Variants in HSPA12B observed in about 807,000 individuals in gnomAD.
HSPA12B encodes heat shock 70 kDa protein 12B.
HSPA12B carries 54 observed loss-of-function variants against 69.3 expected under a neutral mutation model. That is an observed-to-expected ratio of 0.78 (90% CI 0.63 to 0.98). The LOEUF is 0.98. Ranked by LOEUF, HSPA12B falls within the 50% of genes least tolerant of loss-of-function variation. The probability of loss-of-function intolerance (pLI) is 0.00; values close to 1 mark genes in which losing one functional copy is unlikely to be tolerated. For missense variants in HSPA12B, 929 were observed against 999.8 expected (o/e 0.93, Z 0.96); for synonymous variants, 441 against 436.5 (o/e 1.01, Z -0.13).
Position 3,745,621 on chromosome 20 carries a change from C to T in HSPA12B, c.558+24C>T, listed in dbSNP as rs1331685515. ...AGGTGCGCTGCGGCCCCACCTCTGCCGACTGTGGCAGGGACCCCCTATTTT... is the reference window on the plus strand; with the variant it reads ...AGGTGCGCTGCGGCCCCACCTCTGCTGACTGTGGCAGGGACCCCCTATTTT... On this transcript the variant is annotated intron_variant, in intron 6 of 12. Transcript: ENST00000254963. The surrounding 1 kb of genome is among the most constrained non-coding windows in gnomAD (Gnocchi z 5.6). 1 of 1,599,192 alleles carries T rather than the reference C, an allele frequency of 6.3e-7. No individual in the cohort carries two copies.
Position 3,752,829 on chromosome 20 carries a change from C to G in HSPA12B, c.*663C>G, listed in dbSNP as rs2088452386. On this transcript the variant is annotated 3_prime_UTR_variant, in exon 13 of 13. Transcript: ENST00000254963. ...AGCATTTCTTTCGAGACAAAACACC[C>G]GTCTGGGAAGGCCCCAAGGTCAGCT... 6.5e-6 allele frequency: 1 copy of G among 153,716 alleles called. No individual in the cohort carries two copies. Among genetic ancestry groups the G allele is most frequent in the Admixed American group, 6.5e-5 (1 of 15,270 alleles). 9.5% of individuals were successfully genotyped at this position (153,716 alleles called of 1,614,324 possible).
chr20:3,745,749 T>C lies in HSPA12B; in HGVS notation c.558+152T>C. 1.1e-6 allele frequency: 1 copy of C among 931,478 alleles called. No individual in the cohort carries two copies. Among genetic ancestry groups the C allele is most frequent in the Non-Finnish European group, 1.7e-6 (1 of 583,226 alleles). 57.7% of individuals were successfully genotyped at this position (931,478 alleles called of 1,614,324 possible). A position where few individuals can be genotyped will look rare whatever the true frequency, so the allele number is the denominator to read the frequency against. On this transcript the variant is annotated intron_variant, in intron 6 of 12. Transcript: ENST00000254963. The surrounding 1 kb of genome is among the most constrained non-coding windows in gnomAD (Gnocchi z 5.6). ...TCTCCAGTACCCTCCTCCCTTTTTG[T>C]CTGGTAGAGCCTGCACCAAGCCATA...
intron 12 of HSPA12B, 60 bp downstream of exon 12, chr20:3,750,967 T>C (rs1418178851): frequency 5.0e-6 from 7 of 1,402,058 alleles, no homozygotes; most frequent in Admixed American, 1.7e-5. Context: ...TGCAGAATAA[T>C]TCCCCCCCAT....
chr20:3,742,863 A>T (rs1032824585), intron 4 of HSPA12B, among the ~76,000 whole-genome samples: 3 of 149,036 alleles, frequency 2.0e-5, no homozygotes, highest in African/African-American at 7.5e-5. Flanking sequence ...ATGCCTGGCT[A>T]ACTTTTGTGG....
intron 4 of HSPA12B, among the ~76,000 whole-genome samples, chr20:3,742,683 C>T (rs1039152435): frequency 6.6e-6 from 1 of 150,976 alleles, no homozygotes; most frequent in Admixed American, 6.6e-5. Flanking sequence ...ATAAAATATG[C>T]AAATGTTTTT....
At position 3,751,626 on chromosome 20, in the gene HSPA12B, T is replaced by C; in HGVS notation, c.1521T>C (p.Gly507=). 1 of 1,528,722 alleles carries C rather than the reference T, an allele frequency of 6.5e-7. No homozygotes were observed. The highest frequency in any genetic ancestry group is 8.8e-7 in the Non-Finnish European group (1 of 1,141,404). The allele number at this position is 1,528,722 out of a possible 1,614,324, so 94.7% of individuals were successfully genotyped here. A position where few individuals can be genotyped will look rare whatever the true frequency, so the allele number is the denominator to read the frequency against. The change falls in exon 13 of 13, where the codon GGT becomes GGC. Residue 507 remains glycine, a synonymous_variant. Transcript: ENST00000254963. The part of the protein sequence containing the change: ...HAVQAALGAR[G]LRVVVPHDVG... ...TGCAGGCGGCGCTGGGCGCCCGCGG[T>C]CTGCGTGTCGTGGTCCCGCACGACG... is the stretch of plus-strand genomic sequence containing the variant.
intron 1 of HSPA12B, among the ~76,000 whole-genome samples, chr20:3,733,604 G>T (rs1308630435): frequency 6.6e-6 from 1 of 152,182 alleles, no homozygotes; most frequent in Non-Finnish European, 1.5e-5. Context: ...CCCCAGCGCA[G>T]GATGGGGCAG....
At chr20:3,743,529 C>T (rs1490316714) in intron 4 of HSPA12B, among the ~76,000 whole-genome samples, 2 of 152,080 alleles carry the variant, frequency 1.3e-5, no homozygotes, top group Non-Finnish European at 2.9e-5. Context: ...TAGACAAACA[C>T]ACACATATAC....
chr20:3,734,611 T>C (rs2088079629), intron 1 of HSPA12B, among the ~76,000 whole-genome samples: 2 of 152,170 alleles, frequency 1.3e-5, no homozygotes, highest in Admixed American at 6.5e-5. Flanking sequence ...GCTGGGCTTG[T>C]CCCGTGTTCT....
At position 3,749,132 on chromosome 20, in the gene HSPA12B, C is replaced by T; in HGVS notation, c.851-100C>T. 2 of 1,014,978 alleles carry T rather than the reference C, an allele frequency of 2.0e-6. No individual in the cohort carries two copies. 62.9% of individuals were successfully genotyped at this position (1,014,978 alleles called of 1,614,324 possible). A position where few individuals can be genotyped will look rare whatever the true frequency, so the allele number is the denominator to read the frequency against. ...TGGAGTTTCAGGAGCACTGGCTGCTCCCAGTGCCCATGGAGGTCCTGGGCA... is the reference window on the plus strand; with the variant it reads ...TGGAGTTTCAGGAGCACTGGCTGCTTCCAGTGCCCATGGAGGTCCTGGGCA... On this transcript the variant is annotated intron_variant, in intron 8 of 12. Coordinates refer to ENST00000254963, the MANE Select transcript of HSPA12B (RefSeq NM_052970.5). The surrounding 1 kb of genome is among the most constrained non-coding windows in gnomAD (Gnocchi z 5.5).
intron 1 of HSPA12B, among the ~76,000 whole-genome samples, chr20:3,736,281 G>A (rs1397605887): frequency 2.6e-5 from 4 of 152,140 alleles, no homozygotes; most frequent in Non-Finnish European, 5.9e-5. Context: ...GCTGCTATAT[G>A]CATGCCCACA....
chr20:3,751,573 G>T lies in HSPA12B; in HGVS notation c.1468G>T (p.Ala490Ser). The part of the protein sequence containing the change: ...VKLLFLVGGF[A>S]ESAVLQHAVQ... Reference sequence around the variant, plus strand: ...GCTGCTGTTCCTAGTGGGCGGCTTCGCCGAGTCAGCGGTGCTGCAGCACGC... The same window carrying T: ...GCTGCTGTTCCTAGTGGGCGGCTTCTCCGAGTCAGCGGTGCTGCAGCACGC... Residue 490 changes from alanine to serine, a missense_variant, in exon 13 of 13, where the codon GCC (alanine) becomes TCC (serine). Around this residue, in one of 3 missense-constraint regions of HSPA12B, gnomAD observed 448 missense variants for 448.1 expected, o/e 1.00. Transcript: ENST00000254963. 1 of 1,495,478 alleles carries T rather than the reference G, an allele frequency of 6.7e-7. No homozygotes were observed. Among genetic ancestry groups the T allele is most frequent in the Non-Finnish European group, 8.9e-7 (1 of 1,124,932 alleles). The allele number at this position is 1,495,478 out of a possible 1,614,324, so 92.6% of individuals were successfully genotyped here. A position where few individuals can be genotyped will look rare whatever the true frequency, so the allele number is the denominator to read the frequency against.
At position 3,751,598 on chromosome 20, in the gene HSPA12B, C is replaced by T; in HGVS notation, c.1493C>T (p.Ala498Val). 4 of 1,519,948 alleles carry T rather than the reference C, an allele frequency of 2.6e-6. No individual in the cohort carries two copies. The highest frequency in any genetic ancestry group is 2.2e-5 in the Admixed American group (1 of 46,224). 94.2% of individuals were successfully genotyped at this position (1,519,948 alleles called of 1,614,324 possible). ...GFAESAVLQH[A>V]VQAALGARGL... ...GCCGAGTCAGCGGTGCTGCAGCACG[C>T]GGTGCAGGCGGCGCTGGGCGCCCGC... The change falls in exon 13 of 13, where the codon GCG becomes GTG. Residue 498 changes from alanine (A) to valine (V), a missense_variant. This residue lies in a region of HSPA12B where 448 missense variants were observed against 448.1 expected (regional missense o/e 1.00). Transcript: ENST00000254963.
Position 3,749,867 on chromosome 20 carries a change from G to A in HSPA12B, c.1042+13G>A, listed in dbSNP as rs2088377983. On this transcript the variant is annotated intron_variant, in intron 10 of 12. Transcript: ENST00000254963. This position sits in a 1 kb window ranked among gnomAD's most constrained non-coding sequence, Gnocchi z 5.5. Reference sequence around the variant, plus strand: ...TACAAGGCATCTGGTGAGTAGCCAGGCGGCGCCCCGGTACCCAGCGCGACC... The same window carrying A: ...TACAAGGCATCTGGTGAGTAGCCAGACGGCGCCCCGGTACCCAGCGCGACC... The A allele has an allele frequency of 5.0e-6, 8 of 1,588,944 alleles. No individual in the cohort carries two copies. The highest frequency in any genetic ancestry group is 6.8e-6 in the Non-Finnish European group (8 of 1,168,340).
chr20:3,747,087 A>AC (rs1181213875), intron 7 of HSPA12B, among the ~76,000 whole-genome samples: 5 of 152,342 alleles, frequency 3.3e-5, no homozygotes, highest in African/African-American at 1.2e-4. Flanking sequence ...AGGTCTTCCT[A>AC]CCACTGAGAT....
Position 3,748,309 on chromosome 20 carries a change from C to T in HSPA12B, c.768C>T (p.His256=). The T allele has an allele frequency of 6.2e-7, 1 of 1,612,004 alleles. No individual in the cohort carries two copies. The highest frequency in any genetic ancestry group is 8.5e-7 in the Non-Finnish European group (1 of 1,179,192). Residue 256 remains histidine (H), a synonymous_variant, in exon 8 of 13, where the codon CAC becomes CAT. Transcript: ENST00000254963. ...ASVYCRKLRL[H]QLLDLSGRAP... ...TATACTGCCGCAAGCTGCGCCTGCA[C>T]CAGCTCCTGGACCTGAGTGGCCGGG...
Position 3,738,664 on chromosome 20 carries a change from G to C in HSPA12B, c.-11G>C. 4 of 1,614,054 alleles carry C rather than the reference G, an allele frequency of 2.5e-6. No individual in the cohort carries two copies. Among genetic ancestry groups the C allele is most frequent in the South Asian group, 1.1e-5 (1 of 91,076 alleles). On this transcript the variant is annotated 5_prime_UTR_variant, in exon 2 of 13. Transcript: ENST00000254963. ...TGTCTGTTCCTGTTGACAGCTACAGGGCCTGCAAGGATGTTGGCTGTCCCG... is the reference window on the plus strand; with the variant it reads ...TGTCTGTTCCTGTTGACAGCTACAGCGCCTGCAAGGATGTTGGCTGTCCCG...
Position 3,740,967 on chromosome 20 carries a change from C to T in HSPA12B, c.141+55C>T, listed in dbSNP as rs1373497246. ...GTGACCTGGCTGGTGTGGACAGGGT[C>T]GTGCGTGGCAAAGTCATGACAGGGC... On this transcript the variant is annotated intron_variant, in intron 3 of 12. Transcript: ENST00000254963. The surrounding 1 kb of genome is among the most constrained non-coding windows in gnomAD (Gnocchi z 4.9). 14 of 1,462,388 alleles carry T rather than the reference C, an allele frequency of 9.6e-6. No homozygotes were observed. The highest frequency in any genetic ancestry group is 1.2e-5 in the South Asian group (1 of 80,934). 90.6% of individuals were successfully genotyped at this position (1,462,388 alleles called of 1,614,324 possible). A position where few individuals can be genotyped will look rare whatever the true frequency, so the allele number is the denominator to read the frequency against.
At position 3,748,302 on chromosome 20, in the gene HSPA12B, G is replaced by A. The variant is rs139568860; in HGVS notation, c.761G>A (p.Arg254His). The change falls in exon 8 of 13, where the codon CGC becomes CAC. Residue 254 changes from arginine (R) to histidine (H), a missense_variant. This residue lies in a region of HSPA12B where 477 missense variants were observed against 535.2 expected (regional missense o/e 0.89). Transcript: ENST00000254963. ...GCCTCGGTATACTGCCGCAAGCTGC[G>A]CCTGCACCAGCTCCTGGACCTGAGT... is the stretch of plus-strand genomic sequence containing the variant. ...EAASVYCRKLRLHQLLDLSGR... is the reference protein window; with the variant it reads ...EAASVYCRKLHLHQLLDLSGR... The A allele has an allele frequency of 2.5e-5, 40 of 1,611,680 alleles. No individual in the cohort carries two copies. In the African/African-American group the frequency reaches 3.7e-4, roughly 15 times the overall value.
Sources: gnomAD v4.1 joint callset for allele counts (sites outside exome capture counted in the v4.1 genomes callset) on GRCh38, gnomAD v4.1.1 for gene constraint, gnomAD v4.1.1 regional missense constraint, Gnocchi (gnomAD v3.1) non-coding constraint, MANE v1.5 for transcripts, NCBI Gene and HGNC (gene_info 2026-07-23, HGNC 2026-07-21) for gene names.